CABLES1: variants seen among roughly 807,000 people sequenced by gnomAD.
CABLES1 encodes Cdk5 and Abl enzyme substrate 1.
A neutral mutation model predicts 57.8 loss-of-function variants in CABLES1; 36 were observed. That is an observed-to-expected ratio of 0.62 (90% CI 0.48 to 0.82). The LOEUF (loss-of-function observed/expected upper bound fraction) is 0.82, where lower values mean the gene tolerates loss of function less well. Ranked by LOEUF, CABLES1 falls within the 40% of genes least tolerant of loss-of-function variation. The pLI is 0.00. For synonymous variants in CABLES1, 374 were observed against 363.0 expected, an observed-to-expected ratio of 1.03 and a Z score of -0.35; for missense variants, 767 against 836.6, an observed-to-expected ratio of 0.92 and a Z score of 1.03.
rs1221306066 is a variant in CABLES1 at position 23,258,427 on chromosome 18, GCTGA to G, written c.*1063_*1066del. ...AAACTGCGTTTGGAGCTGTGGTTAA[GCTGA>G]CTAAGGAGGCGGTGGCTCTTTCTTA... On this transcript the variant is annotated 3_prime_UTR_variant, in exon 10 of 10. Transcript: ENST00000256925. 3 of 152,278 alleles carry G rather than the reference GCTGA, an allele frequency of 2.0e-5. No individual in the cohort carries two copies. Among genetic ancestry groups the G allele is most frequent in the African/African-American group, 7.2e-5 (3 of 41,464 alleles). The allele number at this position is 152,278 out of a possible 1,614,324, so 9.4% of individuals were successfully genotyped here.
intron 3 of CABLES1, among the ~76,000 whole-genome samples, chr18:23,203,790 C>A (rs1003456036): frequency 6.6e-6 from 1 of 152,130 alleles, no homozygotes. Context: ...AAAATGAACC[C>A]GTCCAGTTTG....
At chr18:23,189,308 T>G (rs1260818277) in intron 2 of CABLES1, 13 of 176,344 alleles carry the variant, frequency 7.4e-5, no homozygotes, top group Non-Finnish European at 1.3e-4. Flanking sequence ...GTAACCACGA[T>G]GTCGCTCCCT....
intron 1 of CABLES1, among the ~76,000 whole-genome samples, chr18:23,187,314 C>A (rs2047209761): frequency 2.0e-5 from 3 of 152,210 alleles, no homozygotes; most frequent in Non-Finnish European, 4.4e-5. Flanking sequence ...TTGGTTCACA[C>A]ACATTGATGA....
chr18:23,249,509 G>A (rs1696790276), intron 7 of CABLES1, among the ~76,000 whole-genome samples: 2 of 152,248 alleles, frequency 1.3e-5, no homozygotes, highest in South Asian at 4.1e-4. Flanking sequence ...CCCACCCTCA[G>A]AGACTGTGAC....
At position 23,254,120 on chromosome 18, in the gene CABLES1, T is replaced by C. The variant is rs1231933043; in HGVS notation, c.1761+184T>C. 2.0e-5 allele frequency among the ~76,000 whole-genome samples: 3 copies of C among 152,194 alleles called. No homozygotes were observed. In the South Asian group the frequency reaches 6.2e-4, roughly 31 times the overall value. ...AGGCTATCTTAAAACATAGGGATGA[T>C]CTACTTTGACAAGACCAAAGCTCCT... On this transcript the variant is annotated intron_variant, in intron 9 of 9. Transcript: ENST00000256925.
rs147432717 is a variant in CABLES1, at chr18:23,206,276, T to C, written c.1011-7701T>C. ...AAGCTGGGGACTCCCAAACCCCGAC[T>C]TCCCCACAGGGCTCAGGAGGCCTTT... On this transcript the variant is annotated intron_variant, in intron 3 of 9. Transcript: ENST00000256925. Among the ~76,000 whole-genome samples the C allele has an allele frequency of 5.3e-5, 8 of 152,278 alleles. No homozygotes were observed. The East Asian group carries it at 7.7e-4, about 15-fold the overall frequency.
chr18:23,152,294 A>C (rs950287311), intron 1 of CABLES1, among the ~76,000 whole-genome samples: 10 of 151,944 alleles, frequency 6.6e-5, no homozygotes, highest in African/African-American at 2.4e-4. Context: ...AGATGACCCT[A>C]TTTCTTCTCA....
At chr18:23,172,655 T>C (rs1188817439) in intron 1 of CABLES1, among the ~76,000 whole-genome samples, 1 of 152,204 alleles carries the variant, frequency 6.6e-6, no homozygotes, top group Non-Finnish European at 1.5e-5. Flanking sequence ...ACCTCTGACA[T>C]AGACTTTTTT....
chr18:23,173,781 G>A lies in CABLES1; in HGVS notation c.846-15057G>A, dbSNP rs1343698784. Reference sequence around the variant, plus strand: ...AGTTCAAGACTGTCCTGGGCAACATGTCAAAACCTGTCTTTACAGAAAATA... The same window carrying A: ...AGTTCAAGACTGTCCTGGGCAACATATCAAAACCTGTCTTTACAGAAAATA... On this transcript the variant is annotated intron_variant, in intron 1 of 9. Coordinates refer to ENST00000256925, the MANE Select transcript of CABLES1 (RefSeq NM_001100619.3). 3.3e-5 allele frequency among the ~76,000 whole-genome samples: 5 copies of A among 152,112 alleles called. No homozygotes were observed. In the East Asian group the frequency reaches 7.7e-4, roughly 23 times the overall value.
intron 1 of CABLES1, among the ~76,000 whole-genome samples, chr18:23,152,164 T>C (rs970480405): frequency 6.6e-6 from 1 of 152,076 alleles, no homozygotes; most frequent in African/African-American, 2.4e-5. Flanking sequence ...ATCTGGAGGC[T>C]GAGGTGGGAG....
intron 1 of CABLES1, among the ~76,000 whole-genome samples, chr18:23,164,593 C>T (rs2047028171): frequency 1.3e-5 from 2 of 152,050 alleles, no homozygotes. Flanking sequence ...TTTCTGTGTG[C>T]CAGATATTGC....
Position 23,136,110 on chromosome 18 carries a change from G to A in CABLES1, c.348G>A (p.Arg116=). 8.4e-7 allele frequency: 1 copy of A among 1,189,192 alleles called. No individual in the cohort carries two copies. Among genetic ancestry groups the A allele is most frequent in the Non-Finnish European group, 1.0e-6 (1 of 961,024 alleles). The allele number at this position is 1,189,192 out of a possible 1,614,324, so 73.7% of individuals were successfully genotyped here. A position where few individuals can be genotyped will look rare whatever the true frequency, so the allele number is the denominator to read the frequency against. The stretch of plus-strand genomic sequence containing the variant: ...TCAGCTTGCTCGCCGCTGCCGAGCG[G>A]GGCGGCTGCATCGCGCTCGCCGCGC... The part of the protein sequence containing the change: ...TRFSLLAAAE[R]GGCIALAAPG... The change falls in exon 1 of 10, where the codon CGG becomes CGA. Residue 116 remains arginine, a synonymous_variant. Transcript: ENST00000256925.
At chr18:23,146,647 G>A (rs917548196) in intron 1 of CABLES1, among the ~76,000 whole-genome samples, 7 of 152,200 alleles carry the variant, frequency 4.6e-5, no homozygotes, top group Non-Finnish European at 1.0e-4. Flanking sequence ...ACGATTGATA[G>A]TATTATAAGT....
At chr18:23,172,895 C>T (rs938995165) in intron 1 of CABLES1, among the ~76,000 whole-genome samples, 7 of 152,310 alleles carry the variant, frequency 4.6e-5, no homozygotes, top group East Asian at 3.9e-4. Context: ...GGAAGCACCT[C>T]GGATTGGGGT....
chr18:23,174,692 T>C (rs999821322), intron 1 of CABLES1, among the ~76,000 whole-genome samples: 2 of 151,610 alleles, frequency 1.3e-5, no homozygotes, highest in Non-Finnish European at 2.9e-5. Flanking sequence ...CAGGATGGTG[T>C]CGATCTCCTG....
At chr18:23,251,089 G>A (rs1368859163) in intron 7 of CABLES1, among the ~76,000 whole-genome samples, 1 of 152,236 alleles carries the variant, frequency 6.6e-6, no homozygotes, top group Non-Finnish European at 1.5e-5. Context: ...GCGGGCATGA[G>A]TCATCCAGGG....
rs547239035 is a variant in CABLES1 at position 23,171,438 on chromosome 18, G to A, written c.846-17400G>A. 5.3e-5 allele frequency among the ~76,000 whole-genome samples: 8 copies of A among 152,320 alleles called. No individual in the cohort carries two copies. The South Asian group carries it at 1.7e-3, about 32-fold the overall frequency. On this transcript the variant is annotated intron_variant, in intron 1 of 9. Coordinates refer to ENST00000256925, the MANE Select transcript of CABLES1 (RefSeq NM_001100619.3). The stretch of plus-strand genomic sequence containing the variant: ...GTCCCAGAGTGATGGAGGATAAGGA[G>A]GGGCCATGTGCCTTGAGCCTTGCCA...
intron 9 of CABLES1, among the ~76,000 whole-genome samples, chr18:23,254,953 G>A (rs2048126801): frequency 6.6e-6 from 1 of 152,222 alleles, no homozygotes; most frequent in African/African-American, 2.4e-5. Flanking sequence ...GAATTGGTCG[G>A]GAGGCAGAGG....
At chr18:23,208,198 A>G (rs2047378172) in intron 3 of CABLES1, among the ~76,000 whole-genome samples, 1 of 152,190 alleles carries the variant, frequency 6.6e-6, no homozygotes, top group African/African-American at 2.4e-5. Flanking sequence ...AACTCCAGGC[A>G]GAAAGGAACA....
Sources: allele counts gnomAD v4.1 joint callset (sites outside exome capture counted in the v4.1 genomes callset), GRCh38; gene constraint gnomAD v4.1.1; transcripts MANE v1.5; gene names NCBI Gene and HGNC (gene_info 2026-07-23, HGNC 2026-07-21).